UTRN: variants seen among roughly 807,000 people sequenced by gnomAD.
The protein encoded by UTRN is dystrophin-related protein 1.
A neutral mutation model predicts 463.9 loss-of-function variants in UTRN; 283 were observed. The observed-to-expected ratio is 0.61, with a 90% CI of 0.55 to 0.67. UTRN has a LOEUF of 0.67. Ranked by LOEUF, UTRN falls within the 30% of genes least tolerant of loss-of-function variation. The probability of loss-of-function intolerance (pLI) is 0.00; values close to 1 mark genes in which losing one functional copy is unlikely to be tolerated. For synonymous variants in UTRN, 1,442 were observed against 1,431.5 expected, an observed-to-expected ratio of 1.01 and a Z score of -0.17; for missense variants, 3,922 against 4,084.3, an observed-to-expected ratio of 0.96 and a Z score of 1.08.
At chr6:144,710,037 A>G (rs954179332) in intron 53 of UTRN, among the ~76,000 whole-genome samples, 2 of 152,208 alleles carry the variant, frequency 1.3e-5, no homozygotes, top group African/African-American at 4.8e-5. Flanking sequence ...AATAAGGTAT[A>G]GCCTCTGCAC....
chr6:144,423,872 C>T, intron 5 of UTRN, 114 bp from the exon 6 acceptor site: 1 of 1,099,976 alleles, frequency 9.1e-7, no homozygotes, highest in East Asian at 2.4e-5. Flanking sequence ...AATGAAATTT[C>T]TCTTATCTCT....
At chr6:144,664,479 T>TC (rs941192905) in intron 51 of UTRN, among the ~76,000 whole-genome samples, 3 of 151,714 alleles carry the variant, frequency 2.0e-5, no homozygotes, top group Non-Finnish European at 4.4e-5. Flanking sequence ...TACTTTTTTT[T>TC]TTTTTTTGGA....
intron 2 of UTRN, among the ~76,000 whole-genome samples, chr6:144,317,591 T>C (rs1584259606): frequency 6.6e-6 from 1 of 152,060 alleles, no homozygotes; most frequent in African/African-American, 2.4e-5. Flanking sequence ...GAGATGGGGT[T>C]TCACCATGTT....
intron 66 of UTRN, among the ~76,000 whole-genome samples, chr6:144,824,594 A>C (rs1476470681): frequency 0.012 from 615 of 53,236 alleles, 21 homozygotes; most frequent in African/African-American, 0.049. Flanking sequence ...ATATATATAT[A>C]TATATATATA....
At chr6:144,461,439 G>T (rs748985244) in intron 22 of UTRN, 97 bp downstream of exon 22, 8 of 1,311,674 alleles carry the variant, frequency 6.1e-6, no homozygotes, top group Non-Finnish European at 7.9e-6. Flanking sequence ...AAAAAAGTTG[G>T]TCAGTTTTGT....
intron 41 of UTRN, 97 bp from the exon 42 acceptor site, chr6:144,530,955 C>A: frequency 7.4e-7 from 1 of 1,355,722 alleles, no homozygotes; most frequent in African/African-American, 1.5e-5. Context: ...TGAGGTCTTT[C>A]TGTTTAAATG....
chr6:144,448,745 A>C lies in UTRN; in HGVS notation c.2048A>C (p.His683Pro). 1 of 1,613,790 alleles carries C rather than the reference A, an allele frequency of 6.2e-7. No individual in the cohort carries two copies. The highest frequency in any genetic ancestry group is 8.5e-7 in the Non-Finnish European group (1 of 1,179,878). ...CCTCCCCCAAAGAAGAGACAGATCC[A>C]TGTGGATATTGAAGCTAAGAAAAAG... Reference protein sequence around the residue: ...PPPPPKKRQIHVDIEAKKKFD... With the variant: ...PPPPPKKRQIPVDIEAKKKFD... The change falls in exon 17 of 75, where the codon CAT (histidine) becomes CCT (proline). Residue 683 changes from histidine to proline, a missense_variant. His to Pro is a moderately conservative substitution (Grantham distance 77). Around this residue, in one of 3 missense-constraint regions of UTRN, gnomAD observed 2,349 missense variants for 2,303.8 expected, o/e 1.02. Coordinates refer to ENST00000367545, the MANE Select transcript of UTRN (RefSeq NM_007124.3).
At chr6:144,347,687 C>G (rs372832886) in intron 2 of UTRN, among the ~76,000 whole-genome samples, 2 of 151,972 alleles carry the variant, frequency 1.3e-5, no homozygotes, top group South Asian at 4.2e-4. Flanking sequence ...AGACAAGGCT[C>G]CAGGGCAGTG....
intron 54 of UTRN, among the ~76,000 whole-genome samples, chr6:144,734,603 T>C (rs1219215818): frequency 6.6e-6 from 1 of 152,190 alleles, no homozygotes; most frequent in Non-Finnish European, 1.5e-5. Flanking sequence ...GTCACCCAAA[T>C]CCATTCTGTC....
Position 144,537,667 on chromosome 6 carries a change from A to T in UTRN, c.6319A>T (p.Met2107Leu). ...TTGGTTAACAAAGGCTGAGCATGCT[A>T]TGCAAAAGAGATCAACCACCGAATT... Reference protein sequence around the residue: ...ICWLTKAEHAMQKRSTTELGE... With the variant: ...ICWLTKAEHALQKRSTTELGE... Residue 2107 changes from methionine to leucine, a missense_variant, in exon 44 of 75, where the codon ATG becomes TTG. Physicochemically the swap from Met to Leu is conservative, Grantham distance 15. Transcript: ENST00000367545. The T allele has an allele frequency of 1.2e-6, 2 of 1,612,148 alleles. No individual in the cohort carries two copies. Among genetic ancestry groups the T allele is most frequent in the Non-Finnish European group, 1.7e-6 (2 of 1,179,262 alleles).
intron 2 of UTRN, among the ~76,000 whole-genome samples, chr6:144,358,387 A>C (rs1778757864): frequency 6.6e-6 from 1 of 152,248 alleles, no homozygotes; most frequent in South Asian, 2.1e-4. Context: ...GTTTAGCTGA[A>C]TTGAAATTTG....
chr6:144,550,481 C>T (rs976172785), intron 47 of UTRN, among the ~76,000 whole-genome samples: 8 of 152,212 alleles, frequency 5.3e-5, no homozygotes, highest in Middle Eastern at 3.4e-3. Context: ...AGCAGTTTTT[C>T]GTGTCTAAGA....
At chr6:144,825,168 T>C (rs1017680019) in intron 66 of UTRN, among the ~76,000 whole-genome samples, 33 of 152,154 alleles carry the variant, frequency 2.2e-4, no homozygotes, top group Admixed American at 2.6e-4. Flanking sequence ...CTACCGAGGC[T>C]GGCCTGGGTT....
chr6:144,583,488 G>A, intron 51 of UTRN: 1 of 714,624 alleles, frequency 1.4e-6, no homozygotes, highest in Non-Finnish European at 2.6e-6. Flanking sequence ...CAGAAGTGTG[G>A]TAAACTTAAA....
intron 53 of UTRN, among the ~76,000 whole-genome samples, chr6:144,715,693 T>TCCCCC (rs10660006): frequency 2.0e-4 from 26 of 131,076 alleles, no homozygotes; most frequent in Middle Eastern, 4.2e-3. Context: ...CTCTCTCTCT[T>TCCCCC]CCCCCCCCAC....
intron 52 of UTRN, among the ~76,000 whole-genome samples, chr6:144,686,494 G>A (rs902451543): frequency 7.9e-5 from 12 of 152,206 alleles, no homozygotes; most frequent in African/African-American, 2.6e-4. Flanking sequence ...TAGTGTTGAA[G>A]TCCCCTAATG....
intron 59 of UTRN, among the ~76,000 whole-genome samples, chr6:144,773,876 C>G (rs1775073274): frequency 6.6e-6 from 1 of 152,108 alleles, no homozygotes; most frequent in South Asian, 2.1e-4. Context: ...AAGAGAAGTT[C>G]TAGTTTTCAT....
At chr6:144,571,768 T>G (rs1562590424) in intron 50 of UTRN, among the ~76,000 whole-genome samples, 1 of 152,154 alleles carries the variant, frequency 6.6e-6, no homozygotes. Flanking sequence ...ATGCCTAGTT[T>G]TCTTTGCACC....
chr6:144,635,514 C>CTTTTCTTTTTTTTTTTTTTT (rs1777035213), intron 51 of UTRN, among the ~76,000 whole-genome samples: 1 of 80,012 alleles, frequency 1.2e-5, no homozygotes, highest in African/African-American at 4.9e-5. Context: ...CTTTTTTTTT[C>CTTTTCTTTTTTTTTTTTTTT]TTTTTTTTTT....
Sources: allele counts gnomAD v4.1 joint callset (sites outside exome capture counted in the v4.1 genomes callset), GRCh38; gene constraint gnomAD v4.1.1; regional missense constraint gnomAD v4.1.1; transcripts MANE v1.5; gene names NCBI Gene and HGNC (gene_info 2026-07-23, HGNC 2026-07-21).